The following HMGB1 variants were observed in gnomAD, a reference collection of about 807,000 sequenced individuals.
HMGB1 encodes the protein high mobility group protein B1.
For synonymous variants in HMGB1, 81 were observed against 84.0 expected (o/e 0.96, Z 0.19); for missense variants, 79 against 253.5 (o/e 0.31, Z 4.67).
intron 1 of HMGB1, chr13:30,553,768 T>C (rs747806290): frequency 1.8e-5 from 25 of 1,389,590 alleles, no homozygotes; most frequent in Non-Finnish European, 2.6e-5. Flanking sequence ...CATGACTATC[T>C]TCATAGAGTG....
chr13:30,607,757 A>G (rs1397297311), intron 1 of HMGB1, among the ~76,000 whole-genome samples: 2 of 152,240 alleles, frequency 1.3e-5, no homozygotes, highest in Non-Finnish European at 2.9e-5. Flanking sequence ...CTGGTAGTAG[A>G]GAATCATCCT....
rs1438868089 is a variant in HMGB1 at position 30,457,130 on chromosome 13, T to C, written c.*4227A>G. The stretch of plus-strand genomic sequence containing the variant: ...TCTCTAATCCCTTTTCCACTTATTT[T>C]TAAAATGGTATTTAGTATATCTGCA... On this transcript the variant is annotated 3_prime_UTR_variant, in exon 5 of 5. Coordinates refer to ENST00000341423, the MANE Select transcript of HMGB1 (RefSeq NM_002128.7). The C allele has an allele frequency of 1.3e-5, 2 of 152,206 alleles. No homozygotes were observed. Among genetic ancestry groups the C allele is most frequent in the Non-Finnish European group, 2.9e-5 (2 of 68,036 alleles). The allele number at this position is 152,206 out of a possible 1,614,324, so 9.4% of individuals were successfully genotyped here. A position where few individuals can be genotyped will look rare whatever the true frequency, so the allele number is the denominator to read the frequency against.
At chr13:30,577,962 C>T (rs1015375116) in intron 1 of HMGB1, among the ~76,000 whole-genome samples, 12 of 152,118 alleles carry the variant, frequency 7.9e-5, no homozygotes, top group African/African-American at 2.9e-4. Flanking sequence ...CCATATGAAT[C>T]CCCAAGTTCC....
intron 1 of HMGB1, among the ~76,000 whole-genome samples, chr13:30,472,367 G>A (rs1181182562): frequency 6.6e-6 from 1 of 152,180 alleles, no homozygotes; most frequent in Non-Finnish European, 1.5e-5. Context: ...TTGGGAGGCC[G>A]AGGCAGGCGG....
intron 1 of HMGB1, among the ~76,000 whole-genome samples, chr13:30,547,554 G>T (rs762728568): frequency 3.9e-5 from 6 of 152,074 alleles, no homozygotes; most frequent in Non-Finnish European, 5.9e-5. Flanking sequence ...AGTTTGGGGT[G>T]GTTTGCTATA....
chr13:30,512,580 C>A lies in HMGB1; in HGVS notation c.-14-48886G>T, dbSNP rs553148429. On this transcript the variant is annotated intron_variant, in intron 1 of 4. Transcript: ENST00000405805. ...GACAGACAGGCTGCCAGTTGCAGATCCCCCTGCAGACCAAATGCATTGGCC... is the reference window on the plus strand; with the variant it reads ...GACAGACAGGCTGCCAGTTGCAGATACCCCTGCAGACCAAATGCATTGGCC... 8.5e-5 allele frequency among the ~76,000 whole-genome samples: 13 copies of A among 152,334 alleles called. No individual in the cohort carries two copies. The East Asian group carries it at 2.1e-3, about 25-fold the overall frequency.
chr13:30,615,938 C>G (rs1283400215), intron 1 of HMGB1, among the ~76,000 whole-genome samples: 1 of 152,154 alleles, frequency 6.6e-6, no homozygotes, highest in Non-Finnish European at 1.5e-5. Context: ...ATTTCTGTCC[C>G]ACACTGCTGA....
intron 1 of HMGB1, among the ~76,000 whole-genome samples, chr13:30,563,668 C>T (rs1870061155): frequency 6.6e-6 from 1 of 152,222 alleles, no homozygotes; most frequent in African/African-American, 2.4e-5. Flanking sequence ...TGGTACATTA[C>T]AGCCATGCAC....
intron 1 of HMGB1, among the ~76,000 whole-genome samples, chr13:30,498,626 AATTATTATT>A (rs71192659): frequency 0.18 from 26,359 of 143,860 alleles, 2,790 homozygotes; most frequent in Middle Eastern, 0.28. Flanking sequence ...GGAATCAGCA[AATTATTATT>A]ATTATTATTA....
At chr13:30,497,431 A>G (rs1887633916) in intron 1 of HMGB1, among the ~76,000 whole-genome samples, 1 of 130,452 alleles carries the variant, frequency 7.7e-6, no homozygotes, top group African/African-American at 2.8e-5. Flanking sequence ...GGATTTCACC[A>G]TGTTGGCCAG....
chr13:30,554,185 A>ATCTC (rs1298828170), intron 1 of HMGB1: 1 of 1,407,020 alleles, frequency 7.1e-7, no homozygotes, highest in African/African-American at 1.4e-5. Context: ...CCAGAACAAT[A>ATCTC]TCTCACTTGC....
At chr13:30,474,521 T>G (rs564874355) in intron 1 of HMGB1, among the ~76,000 whole-genome samples, 1 of 152,320 alleles carries the variant, frequency 6.6e-6, no homozygotes, top group South Asian at 2.1e-4. Context: ...TGCCCAGCCA[T>G]GAAGGGTTAG....
chr13:30,470,066 C>T (rs1224802754), upstream of HMGB1, among the ~76,000 whole-genome samples: 1 of 152,080 alleles, frequency 6.6e-6, no homozygotes, highest in African/African-American at 2.4e-5. Flanking sequence ...GCATGAACCA[C>T]CGTGCCTGGT....
chr13:30,494,003 TA>T lies in HMGB1; in HGVS notation c.-14-30310del, dbSNP rs560306711. Among the ~76,000 whole-genome samples the T allele has an allele frequency of 6.8e-3, 1,005 of 146,892 alleles. 13 individuals are homozygous for T. The highest frequency in any genetic ancestry group is 0.021 in the African/African-American group (834 of 40,258). On this transcript the variant is annotated intron_variant, in intron 1 of 4. Transcript: ENST00000405805. ...GCATCTAATAAATGCTAGCCTTTAT[TA>T]AAAAAAAAAACTCTTTCAATGGCAC...
At chr13:30,609,789 T>C (rs1056006628) in intron 1 of HMGB1, among the ~76,000 whole-genome samples, 11 of 152,212 alleles carry the variant, frequency 7.2e-5, no homozygotes, top group African/African-American at 2.7e-4. Flanking sequence ...ATGATTCTTA[T>C]GCCTCTGTGT....
At chr13:30,510,363 T>C (rs985949058) in intron 1 of HMGB1, among the ~76,000 whole-genome samples, 1 of 152,220 alleles carries the variant, frequency 6.6e-6, no homozygotes, top group African/African-American at 2.4e-5. Flanking sequence ...TTTCCCCATT[T>C]TTAATCCCCA....
At chr13:30,515,568 C>T (rs1223927769) in intron 1 of HMGB1, among the ~76,000 whole-genome samples, 1 of 151,842 alleles carries the variant, frequency 6.6e-6, no homozygotes, top group Non-Finnish European at 1.5e-5. Flanking sequence ...ATCTTATCGC[C>T]AGTAAGGTCA....
At chr13:30,544,137 T>C (rs894198331) in intron 1 of HMGB1, among the ~76,000 whole-genome samples, 3 of 152,304 alleles carry the variant, frequency 2.0e-5, no homozygotes, top group Middle Eastern at 3.4e-3. Context: ...CCTAGCGATG[T>C]CTCTCTGCCT....
At chr13:30,464,504 C>G in intron 1 of HMGB1, 1 of 984,760 alleles carries the variant, frequency 1.0e-6, no homozygotes, top group Non-Finnish European at 1.2e-6. Flanking sequence ...CCGGTGGCCG[C>G]GCGGCCGAGG....
Sources: allele counts gnomAD v4.1 joint callset (sites outside exome capture counted in the v4.1 genomes callset), GRCh38; gene constraint gnomAD v4.1.1; transcripts MANE v1.5; gene names NCBI Gene and HGNC (gene_info 2026-07-23, HGNC 2026-07-21).